The following TLN2 variants were observed in gnomAD, a reference collection of about 807,000 sequenced individuals.
TLN2 encodes the protein talin 2, also known as talin-2.
A neutral mutation model predicts 294.7 loss-of-function variants in TLN2; 118 were observed. The ratio of observed to expected loss-of-function variants is 0.40; its 90% CI spans 0.34 to 0.47. TLN2 has a LOEUF of 0.47. Ranked by LOEUF, TLN2 falls within the 20% of genes least tolerant of loss-of-function variation. The pLI is 0.84. For synonymous variants in TLN2, 1,431 were observed against 1,304.5 expected (o/e 1.10, Z -2.09); for missense variants, 3,083 against 3,282.2 (o/e 0.94, Z 1.48).
chr15:62,448,921 G>C (rs2035962079), intron 1 of TLN2, among the ~76,000 whole-genome samples: 1 of 152,172 alleles, frequency 6.6e-6, no homozygotes, highest in Non-Finnish European at 1.5e-5. Context: ...TTTTTCCTCA[G>C]AGAGAGGGCA....
chr15:62,546,083 T>TG (rs2041979279), intron 1 of TLN2, among the ~76,000 whole-genome samples: 1 of 152,136 alleles, frequency 6.6e-6, no homozygotes, highest in African/African-American at 2.4e-5. Flanking sequence ...TTCTGATTCT[T>TG]GGGGGAAGAG....
intron 5 of TLN2, 27 bp downstream of exon 5, chr15:62,650,208 C>G (rs1281467106): frequency 6.2e-7 from 1 of 1,611,342 alleles, no homozygotes; most frequent in South Asian, 1.1e-5. Flanking sequence ...AGTGCTGTTT[C>G]TTCATCCCTT....
chr15:62,770,061 A>T (rs2063253294), intron 41 of TLN2, among the ~76,000 whole-genome samples: 1 of 152,210 alleles, frequency 6.6e-6, no homozygotes, highest in South Asian at 2.1e-4. Context: ...ATCCCAATGA[A>T]AGTGAAAGAG....
At chr15:62,430,241 A>C (rs1402031827) in intron 1 of TLN2, among the ~76,000 whole-genome samples, 1 of 152,208 alleles carries the variant, frequency 6.6e-6, no homozygotes, top group Admixed American at 6.5e-5. Context: ...AGAACATACC[A>C]GTGTCTAGAA....
chr15:62,568,580 A>G (rs1390986097), intron 1 of TLN2, among the ~76,000 whole-genome samples: 2 of 152,200 alleles, frequency 1.3e-5, no homozygotes, highest in African/African-American at 4.8e-5. Context: ...ACGGAGATGG[A>G]TAATGACAGC....
chr15:62,473,317 G>A (rs937443245), intron 1 of TLN2, among the ~76,000 whole-genome samples: 4 of 151,882 alleles, frequency 2.6e-5, no homozygotes, highest in Admixed American at 2.0e-4. Flanking sequence ...AATAATGCTT[G>A]GAGGTCCCTG....
Position 62,836,009 on chromosome 15 carries a change from C to T in TLN2, c.7310C>T (p.Ala2437Val), listed in dbSNP as rs1417997768. The T allele has an allele frequency of 6.2e-7, 1 of 1,613,412 alleles. No homozygotes were observed. Among genetic ancestry groups the T allele is most frequent in the Admixed American group, 1.7e-5 (1 of 59,942 alleles). Residue 2437 changes from alanine to valine, a missense_variant, in exon 57 of 59, where the codon GCT (alanine) becomes GTT (valine). Physicochemically the swap from Ala to Val is moderately conservative, Grantham distance 64 (BLOSUM62 0). Transcript: ENST00000636159. Reference sequence around the variant, plus strand: ...GCCAAGCAGGTCGCCGCTTCCACGGCTCAGCTGCTGGTGGCCTGCAAGGTG... The same window carrying T: ...GCCAAGCAGGTCGCCGCTTCCACGGTTCAGCTGCTGGTGGCCTGCAAGGTG... ...SSAKQVAAST[A>V]QLLVACKVKA...
chr15:62,672,086 CAAGTT>C (rs2055501364), intron 9 of TLN2, among the ~76,000 whole-genome samples: 1 of 152,092 alleles, frequency 6.6e-6, no homozygotes, highest in Admixed American at 6.5e-5. Context: ...AGTTCCCGAT[CAAGTT>C]GTTATTTTTT....
intron 1 of TLN2, among the ~76,000 whole-genome samples, chr15:62,393,676 G>A (rs1185892437): frequency 6.6e-6 from 1 of 152,008 alleles, no homozygotes; most frequent in East Asian, 1.9e-4. Context: ...TTGTAACTAT[G>A]TATATGCCAC....
intron 9 of TLN2, among the ~76,000 whole-genome samples, chr15:62,667,849 A>G (rs1033083005): frequency 6.6e-6 from 1 of 152,232 alleles, no homozygotes; most frequent in African/African-American, 2.4e-5. Context: ...ATGTACACAC[A>G]GTGAAATAAT....
Position 62,532,619 on chromosome 15 carries a change from T to A in TLN2, c.-237-57068T>A, listed in dbSNP as rs186998466. On this transcript the variant is annotated intron_variant, in intron 1 of 58. Transcript: ENST00000636159. ...GAGAGACCAGACCTTAACCTTTTTT[T>A]AGAAAAGCATTGCTCTTGCTTCACG... 3.2e-3 allele frequency among the ~76,000 whole-genome samples: 480 copies of A among 152,314 alleles called. 5 individuals carry two copies. The highest frequency in any genetic ancestry group is 1.5e-3 in the Non-Finnish European group (104 of 68,032).
Position 62,783,768 on chromosome 15 carries a change from C to T in TLN2, c.5617-3C>T. On this transcript the variant is annotated splice_polypyrimidine_tract_variant and splice_region_variant and intron_variant, in intron 44 of 58. Coordinates refer to ENST00000636159, the MANE Select transcript of TLN2 (RefSeq NM_015059.3). ...GTGTGTCTTGCTTGTTTTCTTTTTC[C>T]AGATGACTAAGTCGGTTACTAACCC... 6.3e-7 allele frequency: 1 copy of T among 1,591,594 alleles called. No homozygotes were observed. The highest frequency in any genetic ancestry group is 1.1e-5 in the South Asian group (1 of 89,924).
In TLN2 at chr15:62,805,746, G is replaced by A; in HGVS notation, c.6624G>A (p.Leu2208=). ...RQEDVIATAN[L]SRKAVSDMLT... The stretch of plus-strand genomic sequence containing the variant: ...AGGACGTGATTGCTACTGCCAACCT[G>A]AGCCGGAAAGCCGTGTCAGATATGT... The change falls in exon 51 of 59, where the codon CTG becomes CTA. Residue 2208 remains leucine (L), a synonymous_variant. Transcript: ENST00000636159. The A allele has an allele frequency of 6.2e-7, 1 of 1,614,062 alleles. No homozygotes were observed. The highest frequency in any genetic ancestry group is 1.1e-5 in the South Asian group (1 of 91,052).
chr15:62,670,094 C>G (rs1414281235), intron 9 of TLN2, among the ~76,000 whole-genome samples: 1 of 152,180 alleles, frequency 6.6e-6, no homozygotes, highest in East Asian at 1.9e-4. Flanking sequence ...CCCTGCTGGT[C>G]CCCTGGACAC....
At chr15:62,629,603 G>A (rs772372703) in intron 3 of TLN2, among the ~76,000 whole-genome samples, 1 of 152,140 alleles carries the variant, frequency 6.6e-6, no homozygotes, top group Non-Finnish European at 1.5e-5. Context: ...TTCCAAGGTA[G>A]GGCCGTATAA....
At chr15:62,410,419 T>G (rs933328016) in intron 1 of TLN2, among the ~76,000 whole-genome samples, 1 of 152,204 alleles carries the variant, frequency 6.6e-6, no homozygotes, top group African/African-American at 2.4e-5. Context: ...CTAAAAAGGA[T>G]GAATTTTACT....
chr15:62,640,194 A>G, intron 3 of TLN2: 1 of 456,002 alleles, frequency 2.2e-6, no homozygotes, highest in South Asian at 1.5e-5. Context: ...TCTCTTGTAG[A>G]AGACAGGTAG....
At position 62,601,914 on chromosome 15, in the gene TLN2, T is replaced by C. The variant is rs58370162; in HGVS notation, c.-162+12152T>C. ...CCATATTTGGCCAGTGGAATCTAAATTGGCTCCCGAGTCCTTTAGACATGA... is the reference window on the plus strand; with the variant it reads ...CCATATTTGGCCAGTGGAATCTAAACTGGCTCCCGAGTCCTTTAGACATGA... On this transcript the variant is annotated intron_variant, in intron 2 of 58. Coordinates refer to ENST00000636159, the MANE Select transcript of TLN2 (RefSeq NM_015059.3). Among the ~76,000 whole-genome samples the C allele has an allele frequency of 6.5e-4, 99 of 152,370 alleles. No individual in the cohort carries two copies. In the East Asian group the frequency reaches 0.014, roughly 21 times the overall value.
chr15:62,838,335 A>G (rs2070056499), intron 57 of TLN2, among the ~76,000 whole-genome samples: 1 of 152,164 alleles, frequency 6.6e-6, no homozygotes, highest in South Asian at 2.1e-4. Flanking sequence ...ACTGTCCAGG[A>G]GGGAACAGCC....
Sources: allele counts gnomAD v4.1 joint callset (sites outside exome capture counted in the v4.1 genomes callset), GRCh38; gene constraint gnomAD v4.1.1; transcripts MANE v1.5; gene names NCBI Gene and HGNC (gene_info 2026-07-23, HGNC 2026-07-21).